CDH18: variants seen among roughly 807,000 people sequenced by gnomAD.
CDH18 encodes the protein cadherin-18.
Under a neutral mutation model 67.9 loss-of-function variants are expected in CDH18, and 31 were observed. The observed-to-expected ratio is 0.46, with a 90% CI of 0.34 to 0.62. CDH18 has a LOEUF of 0.62. CDH18 is among the 20% of genes least tolerant of loss of function. The pLI, the probability that CDH18 is intolerant of heterozygous loss-of-function variation, is 0.01. For missense variants in CDH18, 890 were observed against 975.5 expected, an observed-to-expected ratio of 0.91 and a Z score of 1.17; for synonymous variants, 362 against 347.2, an observed-to-expected ratio of 1.04 and a Z score of -0.48.
intron 2 of CDH18, among the ~76,000 whole-genome samples, chr5:19,872,629 C>T (rs10063325): frequency 0.49 from 74,694 of 152,036 alleles, 18,576 homozygotes; most frequent in Middle Eastern, 0.65. Flanking sequence ...CCCAGTCAAG[C>T]TTCCAGATGA....
At chr5:20,248,821 A>G (rs1580579760) in intron 2 of CDH18, among the ~76,000 whole-genome samples, 1 of 152,326 alleles carries the variant, frequency 6.6e-6, no homozygotes, top group South Asian at 2.1e-4. Context: ...AATTTTATCC[A>G]CAGTTCTTCT....
chr5:20,450,172 T>A (rs1156706042), intron 1 of CDH18, among the ~76,000 whole-genome samples: 1 of 151,994 alleles, frequency 6.6e-6, no homozygotes, highest in Non-Finnish European at 1.5e-5. Context: ...ACCCTGTCTT[T>A]ACTAAAAATA....
At chr5:20,159,121 A>T (rs1751780118) in intron 2 of CDH18, among the ~76,000 whole-genome samples, 1 of 152,212 alleles carries the variant, frequency 6.6e-6, no homozygotes, top group African/African-American at 2.4e-5. Context: ...GATTTGTGAT[A>T]AAGTTGCTTG....
intron 2 of CDH18, among the ~76,000 whole-genome samples, chr5:20,030,983 C>G (rs1426464629): frequency 3.9e-5 from 6 of 152,068 alleles, no homozygotes; most frequent in Non-Finnish European, 8.8e-5. Context: ...ACTGGGCTTA[C>G]CCACCTCCTT....
At chr5:20,241,905 T>TACAA (rs1554106552) in intron 2 of CDH18, among the ~76,000 whole-genome samples, 1 of 141,452 alleles carries the variant, frequency 7.1e-6, no homozygotes. Context: ...TATATATATA[T>TACAA]ATATTGCTTA....
chr5:19,628,327 G>C (rs1311534105), intron 5 of CDH18, among the ~76,000 whole-genome samples: 1 of 152,124 alleles, frequency 6.6e-6, no homozygotes, highest in Non-Finnish European at 1.5e-5. Flanking sequence ...TCTTGGGTAT[G>C]TCTTTGCCAG....
intron 5 of CDH18, among the ~76,000 whole-genome samples, chr5:19,641,162 G>C (rs1414578569): frequency 7.1e-6 from 1 of 141,536 alleles, no homozygotes; most frequent in Admixed American, 7.0e-5. Flanking sequence ...AAAAAAGCCA[G>C]AATTGATCAA....
chr5:20,528,249 C>A (rs974705049), intron 1 of CDH18, among the ~76,000 whole-genome samples: 1 of 151,782 alleles, frequency 6.6e-6, no homozygotes, highest in African/African-American at 2.4e-5. Flanking sequence ...ACAAGAGCAC[C>A]CAGATTCATA....
At chr5:19,833,236 T>C (rs1215759956) in intron 3 of CDH18, among the ~76,000 whole-genome samples, 2 of 152,064 alleles carry the variant, frequency 1.3e-5, no homozygotes, top group Non-Finnish European at 2.9e-5. Flanking sequence ...AAAGAGGTCC[T>C]TCACATCCCT....
chr5:19,610,477 T>C (rs928048702), intron 6 of CDH18, among the ~76,000 whole-genome samples: 2 of 152,028 alleles, frequency 1.3e-5, no homozygotes, highest in African/African-American at 4.8e-5. Flanking sequence ...ATTTTAATAA[T>C]TATTTTAGGA....
chr5:20,456,045 A>T (rs1750812973), intron 1 of CDH18, among the ~76,000 whole-genome samples: 1 of 152,152 alleles, frequency 6.6e-6, no homozygotes, highest in Admixed American at 6.6e-5. Flanking sequence ...AGACAAGCAA[A>T]TTTTAAGAGT....
intron 2 of CDH18, among the ~76,000 whole-genome samples, chr5:19,891,214 G>A (rs1309756047): frequency 1.3e-5 from 2 of 152,014 alleles, no homozygotes; most frequent in African/African-American, 4.8e-5. Context: ...TCGTTCAAGT[G>A]ACAGTGCACC....
At position 19,514,658 on chromosome 5, in the gene CDH18, T is replaced by C. The variant is rs912070756; in HGVS notation, c.1512+5999A>G. On this transcript the variant is annotated intron_variant, in intron 10 of 12. Coordinates refer to ENST00000382275, the MANE Select transcript of CDH18 (RefSeq NM_004934.5). ...ATAAATGTCTTCTTTTGAAAAGTGT[T>C]TGTTCTTATCCTTTGCCCACTTTTT... is the stretch of plus-strand genomic sequence containing the variant. 1.6e-4 allele frequency among the ~76,000 whole-genome samples: 25 copies of C among 152,126 alleles called. 1 individual carries two copies. Among genetic ancestry groups the C allele is most frequent in the Non-Finnish European group, 7.4e-5 (5 of 68,010 alleles).
At chr5:19,491,256 GAT>G (rs1413486189) in intron 11 of CDH18, among the ~76,000 whole-genome samples, 1 of 152,164 alleles carries the variant, frequency 6.6e-6, no homozygotes, top group Admixed American at 6.5e-5. Context: ...TCCATTAGAG[GAT>G]ATATGAGGCT....
In CDH18 at chr5:19,473,315, G is replaced by C; in HGVS notation, c.2284C>G (p.Gln762Glu). The change falls in exon 13 of 13, where the codon CAG becomes GAG. Residue 762 changes from glutamine to glutamate, a missense_variant. By Grantham distance (29) the Gln-to-Glu change is conservative. This residue lies in a region of CDH18 where 656 missense variants were observed against 668.1 expected (regional missense o/e 0.98). Coordinates refer to ENST00000382275, the MANE Select transcript of CDH18 (RefSeq NM_004934.5). ...SLDSATTQSD[Q>E]DYHYLGDWGP... is the part of the protein sequence containing the mutation. ...CAGTCTCCAAGGTAGTGATAATCCT[G>C]GTCTGATTGTGTCGTTGCTGAATCC... The C allele has an allele frequency of 3.7e-6, 6 of 1,613,798 alleles. No homozygotes were observed. Among genetic ancestry groups the C allele is most frequent in the Non-Finnish European group, 5.1e-6 (6 of 1,179,870 alleles).
chr5:20,050,901 G>A (rs1741363521), intron 2 of CDH18, among the ~76,000 whole-genome samples: 1 of 151,844 alleles, frequency 6.6e-6, no homozygotes, highest in East Asian at 1.9e-4. Flanking sequence ...GTATCATGGG[G>A]AAAGCTATTA....
chr5:20,222,911 A>G (rs535803249), intron 2 of CDH18, among the ~76,000 whole-genome samples: 1 of 152,224 alleles, frequency 6.6e-6, no homozygotes, highest in East Asian at 1.9e-4. Context: ...AGTAACTGAA[A>G]TATCATATGA....
chr5:19,903,285 AGT>A (rs1379321559), intron 2 of CDH18, among the ~76,000 whole-genome samples: 1 of 151,494 alleles, frequency 6.6e-6, no homozygotes, highest in Non-Finnish European at 1.5e-5. Flanking sequence ...TTAAAGGGGA[AGT>A]GTTAGATCAC....
At chr5:19,665,898 T>G (rs933652994) in intron 5 of CDH18, among the ~76,000 whole-genome samples, 1 of 152,016 alleles carries the variant, frequency 6.6e-6, no homozygotes, top group Non-Finnish European at 1.5e-5. Flanking sequence ...ACAGAATATG[T>G]GACACAGAAA....
Sources: gnomAD v4.1 joint callset for allele counts (sites outside exome capture counted in the v4.1 genomes callset) on GRCh38, gnomAD v4.1.1 for gene constraint, gnomAD v4.1.1 regional missense constraint, MANE v1.5 for transcripts, NCBI Gene and HGNC (gene_info 2026-07-23, HGNC 2026-07-21) for gene names.